Variants in CHSY3 observed in about 807,000 individuals in gnomAD.
The protein encoded by CHSY3 is N-acetylgalactosaminyl-proteoglycan 3-beta-glucuronosyltransferase 3.
CHSY3 carries 35 observed loss-of-function variants against 67.2 expected under a neutral mutation model. That is an observed-to-expected ratio of 0.52 (90% CI 0.40 to 0.69). The LOEUF is 0.69. CHSY3 is among the 30% of genes least tolerant of loss of function. CHSY3 has a pLI of 0.00. For missense variants in CHSY3, 1,069 were observed against 1,138.5 expected (o/e 0.94, Z 0.88); for synonymous variants, 474 against 434.7 (o/e 1.09, Z -1.12).
At chr5:129,915,141 A>G (rs898384003) in intron 2 of CHSY3, among the ~76,000 whole-genome samples, 1 of 152,168 alleles carries the variant, frequency 6.6e-6, no homozygotes, top group Non-Finnish European at 1.5e-5. Context: ...TTTAATTTTT[A>G]TTATAGCATG....
intron 2 of CHSY3, among the ~76,000 whole-genome samples, chr5:130,006,936 C>T (rs997046542): frequency 1.3e-5 from 2 of 152,144 alleles, no homozygotes; most frequent in Non-Finnish European, 2.9e-5. Context: ...GACATTATGC[C>T]ACACTACCTC....
chr5:130,031,210 C>T (rs2149660047), intron 2 of CHSY3, among the ~76,000 whole-genome samples: 1 of 152,004 alleles, frequency 6.6e-6, no homozygotes, highest in East Asian at 1.9e-4. Flanking sequence ...TCCTGATGAG[C>T]CATTAATTTC....
At chr5:129,960,717 T>C (rs1302040091) in intron 2 of CHSY3, among the ~76,000 whole-genome samples, 1 of 152,014 alleles carries the variant, frequency 6.6e-6, no homozygotes, top group East Asian at 1.9e-4. Flanking sequence ...ATGTATGAAA[T>C]ATTTTTTAAA....
intron 2 of CHSY3, among the ~76,000 whole-genome samples, chr5:130,085,503 C>T (rs527261836): frequency 6.6e-6 from 1 of 151,914 alleles, no homozygotes; most frequent in Non-Finnish European, 1.5e-5. Context: ...TCTCTCTTTT[C>T]TTCTTTATTA....
At chr5:130,067,073 T>C (rs1765906764) in intron 2 of CHSY3, among the ~76,000 whole-genome samples, 1 of 152,194 alleles carries the variant, frequency 6.6e-6, no homozygotes, top group Admixed American at 6.6e-5. Flanking sequence ...AACACAGTTT[T>C]ACTAAAAAAT....
intron 2 of CHSY3, among the ~76,000 whole-genome samples, chr5:129,990,469 G>A (rs1486968641): frequency 6.6e-6 from 1 of 151,670 alleles, no homozygotes; most frequent in African/African-American, 2.4e-5. Context: ...AATTTAGAAA[G>A]TATATTTACC....
chr5:130,155,236 C>T lies in CHSY3; in HGVS notation c.1087-28993C>T, dbSNP rs151071543. ...CAGCAGATTTTCTTTGTATAGTAAA[C>T]GTGGGACCTTTACATATTTAGGAAG... On this transcript the variant is annotated intron_variant, in intron 2 of 2. Coordinates refer to ENST00000305031, the MANE Select transcript of CHSY3 (RefSeq NM_175856.5). Among the ~76,000 whole-genome samples, 346 of 152,228 alleles carry T rather than the reference C, an allele frequency of 2.3e-3. 6 individuals carry two copies. In the South Asian group the frequency reaches 0.036, roughly 16 times the overall value.
intron 2 of CHSY3, among the ~76,000 whole-genome samples, chr5:129,984,803 C>T (rs922575450): frequency 6.6e-6 from 1 of 151,950 alleles, no homozygotes; most frequent in African/African-American, 2.4e-5. Context: ...ATATGCTTGA[C>T]TGTTACGTAT....
At chr5:130,101,956 T>TGTAATGGATG (rs1404145400) in intron 2 of CHSY3, among the ~76,000 whole-genome samples, 24 of 152,158 alleles carry the variant, frequency 1.6e-4, no homozygotes, top group Non-Finnish European at 3.4e-4. Context: ...TTGTTGTACT[T>TGTAATGGATG]TTGTATTTTG....
At chr5:129,908,041 AAGG>A (rs1760382409) in intron 1 of CHSY3, 33 bp from the exon 2 acceptor site, 1 of 1,593,100 alleles carries the variant, frequency 6.3e-7, no homozygotes, top group Non-Finnish European at 8.5e-7. Context: ...ATTATGAAAT[AAGG>A]AGACATAGTA....
chr5:129,923,088 C>G (rs1192391758), intron 2 of CHSY3, among the ~76,000 whole-genome samples: 1 of 152,006 alleles, frequency 6.6e-6, no homozygotes, highest in Non-Finnish European at 1.5e-5. Flanking sequence ...TCCCCAGACC[C>G]AGTGAGAGAT....
chr5:130,179,845 T>C lies in CHSY3; in HGVS notation c.1087-4384T>C, dbSNP rs938338117. ...ACAAGCAATTCAGCATAGATTTATTTTGGTAGGAGTGTTTGCTATAATTCT... is the reference window on the plus strand; with the variant it reads ...ACAAGCAATTCAGCATAGATTTATTCTGGTAGGAGTGTTTGCTATAATTCT... On this transcript the variant is annotated intron_variant, in intron 2 of 2. Coordinates refer to ENST00000305031, the MANE Select transcript of CHSY3 (RefSeq NM_175856.5). 1.2e-4 allele frequency among the ~76,000 whole-genome samples: 19 copies of C among 152,342 alleles called. 1 individual carries two copies. The highest frequency in any genetic ancestry group is 4.6e-4 in the African/African-American group (19 of 41,578).
chr5:130,184,065 T>A (rs1770332982), intron 2 of CHSY3, among the ~76,000 whole-genome samples, 164 bp from the exon 3 acceptor site: 1 of 151,882 alleles, frequency 6.6e-6, no homozygotes. Context: ...ATAATAAAAC[T>A]ATTTTAATTT....
chr5:130,180,534 T>C (rs1012326980), intron 2 of CHSY3, among the ~76,000 whole-genome samples: 3 of 152,126 alleles, frequency 2.0e-5, no homozygotes, highest in Non-Finnish European at 4.4e-5. Flanking sequence ...TTGTTTTTTG[T>C]TTTTTGTTTT....
In CHSY3 at chr5:130,185,725, C is replaced by A. The variant is rs1440420197; in HGVS notation, c.2583C>A (p.Thr861=). ...CCAAGGCAAGTACTTTCGCCTCAACCATGCAACTGGCTGAACTCTGGCTTG... is the reference window on the plus strand; with the variant it reads ...CCAAGGCAAGTACTTTCGCCTCAACAATGCAACTGGCTGAACTCTGGCTTG... ...LGSKASTFAS[T]MQLAELWLEK... The change falls in exon 3 of 3, where the codon ACC becomes ACA. Residue 861 remains threonine (T), a synonymous_variant. Transcript: ENST00000305031. The A allele has an allele frequency of 9.3e-6, 15 of 1,613,094 alleles. No individual in the cohort carries two copies. Among genetic ancestry groups the A allele is most frequent in the Non-Finnish European group, 1.3e-5 (15 of 1,179,440 alleles).
intron 2 of CHSY3, among the ~76,000 whole-genome samples, chr5:130,024,981 T>G (rs551253875): frequency 1.4e-4 from 22 of 152,252 alleles, no homozygotes; most frequent in African/African-American, 5.1e-4. Context: ...TTTTATTGAT[T>G]CAGCAAATGT....
At chr5:130,047,586 A>T (rs1048127006) in intron 2 of CHSY3, among the ~76,000 whole-genome samples, 1 of 152,068 alleles carries the variant, frequency 6.6e-6, no homozygotes, top group Non-Finnish European at 1.5e-5. Context: ...GGAAAAGTCT[A>T]TTGGATGCAG....
In CHSY3 at chr5:130,043,824, G is replaced by A. The variant is rs139919504; in HGVS notation, c.1086+135464G>A. On this transcript the variant is annotated intron_variant, in intron 2 of 2. Transcript: ENST00000305031. ...ACAAAGACCAGTCTTTAACTTCATT[G>A]GAGAAAAAGGTTGACTTTTGGATTT... 2.1e-3 allele frequency among the ~76,000 whole-genome samples: 321 copies of A among 152,172 alleles called. 1 individual carries two copies. Among genetic ancestry groups the A allele is most frequent in the African/African-American group, 7.2e-3 (298 of 41,554 alleles).
chr5:130,024,359 T>C (rs1218710088), intron 2 of CHSY3, among the ~76,000 whole-genome samples: 1 of 152,120 alleles, frequency 6.6e-6, no homozygotes, highest in Admixed American at 6.6e-5. Context: ...CTTTTAAATA[T>C]AGAAGCCCAT....
Sources: allele counts gnomAD v4.1 joint callset (sites outside exome capture counted in the v4.1 genomes callset), GRCh38; gene constraint gnomAD v4.1.1; transcripts MANE v1.5; gene names NCBI Gene and HGNC (gene_info 2026-07-23, HGNC 2026-07-21).